The following COL23A1 variants were observed in gnomAD, a reference collection of about 807,000 sequenced individuals.
COL23A1 encodes collagen type XXIII alpha 1 chain, also known as collagen alpha-1(XXIII) chain.
A neutral mutation model predicts 99.3 loss-of-function variants in COL23A1; 97 were observed. That is an observed-to-expected ratio of 0.98 (90% CI 0.83 to 1.16). The LOEUF (loss-of-function observed/expected upper bound fraction) is 1.16. Among genes scored for constraint, COL23A1 ranks in the 50% most tolerant of loss-of-function variants. The pLI, the probability that COL23A1 is intolerant of heterozygous loss-of-function variation, is 0.00. For synonymous variants in COL23A1, 320 were observed against 308.2 expected (o/e 1.04, Z -0.40); for missense variants, 762 against 757.4 (o/e 1.01, Z -0.07).
At chr5:178,247,636 G>A (rs1764776230) in intron 21 of COL23A1, 84 bp from the exon 22 acceptor site, 1 of 1,590,372 alleles carries the variant, frequency 6.3e-7, no homozygotes, top group Non-Finnish European at 8.6e-7. Flanking sequence ...CCCTGTCCTG[G>A]GCTCTGCCCT....
intron 17 of COL23A1, among the ~76,000 whole-genome samples, chr5:178,250,516 G>C (rs1353005926): frequency 6.6e-6 from 1 of 152,222 alleles, no homozygotes. Context: ...TGCTGTCACA[G>C]GGGCTGGGTT....
intron 2 of COL23A1, among the ~76,000 whole-genome samples, chr5:178,423,375 C>T (rs896138656): frequency 6.6e-6 from 1 of 152,110 alleles, no homozygotes; most frequent in East Asian, 1.9e-4. Flanking sequence ...CGCAGCTCCC[C>T]GTCAGCCATG....
At chr5:178,316,479 G>A (rs945993935) in intron 2 of COL23A1, among the ~76,000 whole-genome samples, 3 of 152,164 alleles carry the variant, frequency 2.0e-5, no homozygotes, top group African/African-American at 7.2e-5. Context: ...TCAGTGTGGA[G>A]CTTTGGAGAC....
At chr5:178,243,878 A>G (rs929642982) in intron 25 of COL23A1, among the ~76,000 whole-genome samples, 4 of 152,226 alleles carry the variant, frequency 2.6e-5, no homozygotes, top group Admixed American at 2.6e-4. Flanking sequence ...CAGCTGGTTC[A>G]GCATTGTCCT....
At chr5:178,245,805 CAG>C (rs1467131702) in intron 25 of COL23A1, 135 bp downstream of exon 25, 2 of 984,026 alleles carry the variant, frequency 2.0e-6, no homozygotes, top group East Asian at 2.4e-5. Flanking sequence ...AATGGGGACA[CAG>C]GGGGAACCAG....
chr5:178,245,573 TCCATCCATTCATTCATCCATCCATTCAC>T (rs1384009884), intron 25 of COL23A1, among the ~76,000 whole-genome samples: 1 of 145,882 alleles, frequency 6.9e-6, no homozygotes, highest in Non-Finnish European at 1.5e-5. Context: ...CATTCACCCA[TCCATCCATTCATTCATCCATCCATTCAC>T]CCATCCATCC....
intron 1 of COL23A1, among the ~76,000 whole-genome samples, chr5:178,578,807 A>G (rs945785502): frequency 1.9e-4 from 28 of 149,434 alleles, no homozygotes; most frequent in Admixed American, 6.6e-4. Context: ...GCCATACCGC[A>G]TGATTATAAA....
chr5:178,334,997 G>A (rs545852314), intron 2 of COL23A1, among the ~76,000 whole-genome samples: 4 of 152,292 alleles, frequency 2.6e-5, no homozygotes, highest in East Asian at 3.9e-4. Flanking sequence ...TTCAAGGCAC[G>A]AAGGGTTTCC....
chr5:178,288,170 C>T (rs577255451), intron 5 of COL23A1, among the ~76,000 whole-genome samples, 154 bp downstream of exon 5: 62 of 152,278 alleles, frequency 4.1e-4, no homozygotes, highest in African/African-American at 1.4e-3. Flanking sequence ...CCTTTACCTC[C>T]CCAGAGCTCA....
At chr5:178,322,355 G>A (rs1191905484) in intron 2 of COL23A1, among the ~76,000 whole-genome samples, 1 of 152,136 alleles carries the variant, frequency 6.6e-6, no homozygotes, top group Non-Finnish European at 1.5e-5. Context: ...GGCTGGTCTT[G>A]AACTCCTGGC....
chr5:178,281,912 C>A lies in COL23A1; in HGVS notation c.441+6412G>T, dbSNP rs758077438. Among the ~76,000 whole-genome samples, 1 of 151,576 alleles carries A rather than the reference C, an allele frequency of 6.6e-6. No homozygotes were observed. The highest frequency in any genetic ancestry group is 1.5e-5 in the Non-Finnish European group (1 of 67,944). On this transcript the variant is annotated intron_variant, in intron 5 of 28. Coordinates refer to ENST00000390654, the MANE Select transcript of COL23A1 (RefSeq NM_173465.4). The surrounding 1 kb of genome is among the most constrained non-coding windows in gnomAD (Gnocchi z 4.0). ...TAAAAACACAAAAAAATCAGCCAGG[C>A]GTGGTGGTGCGTACCTGTAATCCTA... is the stretch of plus-strand genomic sequence containing the variant.
chr5:178,536,077 T>A (rs1760921595), intron 2 of COL23A1, among the ~76,000 whole-genome samples: 1 of 152,256 alleles, frequency 6.6e-6, no homozygotes, highest in African/African-American at 2.4e-5. Flanking sequence ...TGCCAGAGGC[T>A]GTCCCTGGCT....
intron 2 of COL23A1, among the ~76,000 whole-genome samples, chr5:178,505,295 G>A (rs1306225380): frequency 6.6e-6 from 1 of 151,784 alleles, no homozygotes; most frequent in East Asian, 1.9e-4. Flanking sequence ...TGTCATCCAG[G>A]CTAGAGTGCA....
chr5:178,388,334 C>G (rs1303841052), intron 2 of COL23A1, among the ~76,000 whole-genome samples: 1 of 152,216 alleles, frequency 6.6e-6, no homozygotes, highest in Non-Finnish European at 1.5e-5. Context: ...TGGATTTAAT[C>G]TTACGTTCCC....
chr5:178,460,000 A>G (rs1299789108), intron 2 of COL23A1, among the ~76,000 whole-genome samples: 1 of 152,212 alleles, frequency 6.6e-6, no homozygotes, highest in Non-Finnish European at 1.5e-5. Flanking sequence ...GGTGTTTTTA[A>G]AATCTCCTTC....
At chr5:178,312,627 C>T (rs2913774) in intron 2 of COL23A1, among the ~76,000 whole-genome samples, 115,628 of 149,308 alleles carry the variant, frequency 0.77, 45,359 homozygotes, top group Non-Finnish European at 0.83. Flanking sequence ...TAGCAATGCC[C>T]GTCTTATCAA....
intron 2 of COL23A1, among the ~76,000 whole-genome samples, chr5:178,332,318 C>A (rs1760076298): frequency 6.6e-6 from 1 of 152,190 alleles, no homozygotes; most frequent in African/African-American, 2.4e-5. Context: ...ACGGTCCACC[C>A]ATCAGAGGTG....
intron 2 of COL23A1, among the ~76,000 whole-genome samples, chr5:178,405,635 A>T (rs1288943391): frequency 6.6e-6 from 1 of 152,182 alleles, no homozygotes; most frequent in Non-Finnish European, 1.5e-5. Flanking sequence ...AGGATGCACG[A>T]CGACCACCAC....
intron 2 of COL23A1, among the ~76,000 whole-genome samples, chr5:178,514,332 T>TG (rs1471376619): frequency 1.3e-5 from 2 of 152,234 alleles, no homozygotes; most frequent in Non-Finnish European, 2.9e-5. Context: ...ACACTTGGGC[T>TG]GCTCCCACGT....
Sources: gnomAD v4.1 joint callset for allele counts (sites outside exome capture counted in the v4.1 genomes callset) on GRCh38, gnomAD v4.1.1 for gene constraint, Gnocchi (gnomAD v3.1) non-coding constraint, MANE v1.5 for transcripts, NCBI Gene and HGNC (gene_info 2026-07-23, HGNC 2026-07-21) for gene names.